Variants in FRMPD4 observed in about 807,000 individuals in gnomAD.
FRMPD4 encodes FERM and PDZ domain-containing protein 4.
FRMPD4 carries 22 observed loss-of-function variants against 94.1 expected under a neutral mutation model. That is an observed-to-expected ratio of 0.23 (90% CI 0.17 to 0.33). FRMPD4 has a LOEUF of 0.33. Ranked by LOEUF, FRMPD4 falls within the 10% of genes least tolerant of loss-of-function variation. The pLI, the probability that FRMPD4 is intolerant of heterozygous loss-of-function variation, is 1.00. For missense variants in FRMPD4, 1,111 were observed against 1,339.9 expected (o/e 0.83, Z 2.67); for synonymous variants, 631 against 548.6 (o/e 1.15, Z -2.10).
chrX:12,193,775 G>GAAAGAAAGAAAGA (rs1207033585), intron 1 of FRMPD4, among the ~76,000 whole-genome samples: 4 of 15,194 alleles, frequency 2.6e-4, no homozygotes, highest in African/African-American at 5.4e-4. Flanking sequence ...AGAAAGAAAG[G>GAAAGAAAGAAAGA]AAGGAAGGAA....
intron 3 of FRMPD4, among the ~76,000 whole-genome samples, chrX:12,037,885 A>G (rs1169746035): frequency 9.0e-6 from 1 of 111,685 alleles, no homozygotes; most frequent in Non-Finnish European, 1.9e-5. Flanking sequence ...CTCCAGCTCC[A>G]TCCACGTCCC....
intron 3 of FRMPD4, among the ~76,000 whole-genome samples, chrX:11,900,181 T>A (rs1212924286): frequency 1.2e-5 from 1 of 84,199 alleles, no homozygotes; most frequent in African/African-American, 4.0e-5. Context: ...GTGATAGATG[T>A]TTCAGAGGAT....
In FRMPD4 at chrX:12,706,894, T is replaced by A. The variant is rs1451049545; in HGVS notation, c.1266T>A (p.Arg422=). The part of the protein sequence containing the change: ...FLSDLRLYGG[R]VFKATLVQAE... Reference sequence around the variant, plus strand: ...GTGACCTACGATTGTATGGGGGCCGTGTGTTCAAGGCAACATTAGTGGTAA... The same window carrying A: ...GTGACCTACGATTGTATGGGGGCCGAGTGTTCAAGGCAACATTAGTGGTAA... Residue 422 remains arginine (R), a synonymous_variant, in exon 12 of 17, where the codon CGT becomes CGA. Transcript: ENST00000675598. The A allele has an allele frequency of 8.8e-7, 1 of 1,136,889 alleles. No homozygotes were observed. The highest frequency in any genetic ancestry group is 2.3e-5 in the Admixed American group (1 of 44,024). The allele number at this position is 1,136,889 out of a possible 1,213,427, so 93.7% of individuals were successfully genotyped here.
In FRMPD4 at chrX:11,913,473, A is replaced by G. The variant is rs773961153; in HGVS notation, c.95+35455A>G. Among the ~76,000 whole-genome samples the G allele has an allele frequency of 4.5e-5, 5 of 112,039 alleles. No homozygotes were observed. In the East Asian group the frequency reaches 1.4e-3, roughly 31 times the overall value. ...GGACAGTGAAGATTATGAATCTCTG[A>G]TCTAGCTGATTCTGGTCTCAGTTTC... On this transcript the variant is annotated intron_variant, in intron 3 of 18. Coordinates refer to the FRMPD4 transcript ENST00000640291.
Position 12,642,676 on chromosome X carries a change from T to G in FRMPD4, c.422+27795T>G, listed in dbSNP as rs1265966705. On this transcript the variant is annotated intron_variant, in intron 4 of 16. Coordinates refer to ENST00000675598, the MANE Select transcript of FRMPD4 (RefSeq NM_001368397.1). ...CAAAACTTTGGAAGGCCAACGTGGGTGGATTACTTGAGCCCAGGAATTTGA... is the reference window on the plus strand; with the variant it reads ...CAAAACTTTGGAAGGCCAACGTGGGGGGATTACTTGAGCCCAGGAATTTGA... Among the ~76,000 whole-genome samples the G allele has an allele frequency of 6.2e-5, 7 of 112,661 alleles. No individual in the cohort carries two copies. In the Admixed American group the frequency reaches 6.5e-4, roughly 10 times the overall value.
chrX:12,422,732 T>C (rs1358025315), intron 1 of FRMPD4, among the ~76,000 whole-genome samples: 1 of 104,969 alleles, frequency 9.5e-6, no homozygotes, highest in Non-Finnish European at 1.9e-5. Context: ...AAGTGGGAAA[T>C]AGTTAGTCAA....
intron 1 of FRMPD4, among the ~76,000 whole-genome samples, chrX:12,190,669 T>G (rs1403885347): frequency 9.8e-6 from 1 of 101,818 alleles, no homozygotes; most frequent in Non-Finnish European, 2.0e-5. Context: ...AAATGTTGAT[T>G]GAACAACTAA....
intron 1 of FRMPD4, among the ~76,000 whole-genome samples, chrX:12,207,445 T>G (rs1309668092): frequency 9.0e-6 from 1 of 110,957 alleles, no homozygotes; most frequent in Non-Finnish European, 1.9e-5. Flanking sequence ...ATAGCTTGTA[T>G]TGTGCTAACT....
chrX:12,506,598 AT>A (rs1433448856), intron 2 of FRMPD4, among the ~76,000 whole-genome samples: 1 of 112,600 alleles, frequency 8.9e-6, no homozygotes, highest in African/African-American at 3.2e-5. Context: ...ATTTAATGAC[AT>A]TTCATAATAA....
chrX:12,374,531 C>T (rs1484651518), intron 1 of FRMPD4, among the ~76,000 whole-genome samples: 2 of 111,431 alleles, frequency 1.8e-5, no homozygotes, highest in Non-Finnish European at 3.8e-5. Flanking sequence ...ATGCCAAATA[C>T]GCTGTAATCA....
chrX:12,452,216 C>T (rs776550549), intron 1 of FRMPD4, among the ~76,000 whole-genome samples: 15 of 111,545 alleles, frequency 1.3e-4, no homozygotes, highest in Admixed American at 4.8e-4. Flanking sequence ...TACTTTGAAT[C>T]TCCCATTTAA....
chrX:11,996,107 C>T (rs2054494719), intron 3 of FRMPD4, among the ~76,000 whole-genome samples: 1 of 110,657 alleles, frequency 9.0e-6, no homozygotes, highest in Non-Finnish European at 1.9e-5. Context: ...ATAGGCTCTC[C>T]ATTTATAAAA....
At chrX:12,453,029 C>T (rs1017742209) in intron 1 of FRMPD4, among the ~76,000 whole-genome samples, 1 of 112,029 alleles carries the variant, frequency 8.9e-6, no homozygotes, top group East Asian at 2.8e-4. Flanking sequence ...TAATGTGACT[C>T]TCATTACTCA....
intron 1 of FRMPD4, among the ~76,000 whole-genome samples, chrX:12,450,640 A>G (rs1007301160): frequency 9.0e-6 from 1 of 111,058 alleles, no homozygotes; most frequent in African/African-American, 3.3e-5. Context: ...TTAACTGCTC[A>G]TACTCATACT....
chrX:12,432,000 A>G (rs2057015685), intron 1 of FRMPD4, among the ~76,000 whole-genome samples: 2 of 112,229 alleles, frequency 1.8e-5, no homozygotes, highest in South Asian at 7.4e-4. Context: ...AGAGAACCAG[A>G]GCCCCTCCCT....
intron 3 of FRMPD4, among the ~76,000 whole-genome samples, chrX:12,114,364 C>T (rs770876935): frequency 2.7e-5 from 3 of 111,715 alleles, no homozygotes; most frequent in African/African-American, 3.2e-5. Context: ...TAATAAGTCT[C>T]ATGACTGGCA....
intron 2 of FRMPD4, among the ~76,000 whole-genome samples, chrX:12,537,221 T>C (rs763229466): frequency 9.0e-6 from 1 of 111,384 alleles, no homozygotes; most frequent in East Asian, 2.8e-4. Context: ...TTCAGGGTTG[T>C]TTTGTTAAAA....
intron 3 of FRMPD4, among the ~76,000 whole-genome samples, chrX:12,031,266 G>C (rs189086979): frequency 1.8e-5 from 2 of 112,185 alleles, no homozygotes; most frequent in East Asian, 5.6e-4. Flanking sequence ...TTGTCAATGT[G>C]ATGAATGCTA....
intron 5 of FRMPD4, among the ~76,000 whole-genome samples, chrX:12,675,765 G>A (rs949614092): frequency 1.1e-4 from 12 of 111,480 alleles, no homozygotes; most frequent in Non-Finnish European, 2.1e-4. Context: ...TCTGGCCTTC[G>A]TAAGGAGTGG....
Sources: allele counts gnomAD v4.1 joint callset (sites outside exome capture counted in the v4.1 genomes callset), GRCh38; gene constraint gnomAD v4.1.1; transcripts MANE v1.5; gene names NCBI Gene and HGNC (gene_info 2026-07-23, HGNC 2026-07-21).